The following KHDRBS2 variants were observed in gnomAD, a reference collection of about 807,000 sequenced individuals.
The protein encoded by KHDRBS2 is KH domain-containing, RNA-binding, signal transduction-associated protein 2.
KHDRBS2 carries 26 observed loss-of-function variants against 44.3 expected under a neutral mutation model. The observed-to-expected ratio is 0.59, with a 90% CI of 0.43 to 0.81. The LOEUF (loss-of-function observed/expected upper bound fraction) is 0.81. KHDRBS2 is among the 40% of genes least tolerant of loss of function. The pLI is 0.00. For synonymous variants in KHDRBS2, 194 were observed against 151.1 expected (o/e 1.28, Z -2.08); for missense variants, 476 against 433.1 (o/e 1.10, Z -0.88).
chr6:61,724,849 T>C (rs1004576645), intron 7 of KHDRBS2, among the ~76,000 whole-genome samples: 12 of 152,080 alleles, frequency 7.9e-5, no homozygotes, highest in Middle Eastern at 3.2e-3. Flanking sequence ...AGGACTCCCA[T>C]ACAATAGTAG....
At chr6:61,608,266 A>C in the KHDRBS2 span, among the ~76,000 whole-genome samples, 1 of 151,728 alleles carries the variant, frequency 6.6e-6, no homozygotes, top group African/African-American at 2.4e-5. Flanking sequence ...ATATATACTC[A>C]CATACACACA....
chr6:62,227,294 G>C (rs1832048127), intron 1 of KHDRBS2, among the ~76,000 whole-genome samples: 1 of 152,054 alleles, frequency 6.6e-6, no homozygotes, highest in Admixed American at 6.6e-5. Context: ...ATTGTGAATG[G>C]GAGTTGATTC....
the KHDRBS2 span, among the ~76,000 whole-genome samples, chr6:61,673,416 C>A: frequency 4.0e-5 from 6 of 151,660 alleles, no homozygotes; most frequent in Non-Finnish European, 7.4e-5. Context: ...GTTGGAAGTT[C>A]TGGCCAGGGC....
Position 62,285,868 on chromosome 6 carries a change from A to C in KHDRBS2, c.81T>G (p.Leu27=). The change falls in exon 1 of 9, where the codon CTT becomes CTG. Residue 27 remains leucine (L), a synonymous_variant. Coordinates refer to ENST00000281156, the MANE Select transcript of KHDRBS2 (RefSeq NM_152688.4). ...LDPSFVHASR[L]LAEEIEKFQG... Reference sequence around the variant, plus strand: ...GGGGGCAAGTCCTACCTTCTGCCAAAAGGCGCGACGCATGCACAAAAGATG... The same window carrying C: ...GGGGGCAAGTCCTACCTTCTGCCAACAGGCGCGACGCATGCACAAAAGATG... 6.2e-7 allele frequency: 1 copy of C among 1,612,474 alleles called. No individual in the cohort carries two copies. The highest frequency in any genetic ancestry group is 8.5e-7 in the Non-Finnish European group (1 of 1,179,248).
chr6:61,596,486 C>A, the KHDRBS2 span, among the ~76,000 whole-genome samples: 1 of 152,124 alleles, frequency 6.6e-6, no homozygotes, highest in Non-Finnish European at 1.5e-5. Flanking sequence ...GCTACTCAGA[C>A]AGAAGCCGAT....
chr6:61,999,069 C>T (rs1777745133), intron 3 of KHDRBS2, among the ~76,000 whole-genome samples: 1 of 151,958 alleles, frequency 6.6e-6, no homozygotes, highest in Non-Finnish European at 1.5e-5. Flanking sequence ...GACTAAAATT[C>T]TTTCTTGCAT....
At chr6:61,998,486 A>G (rs1777635301) in intron 3 of KHDRBS2, among the ~76,000 whole-genome samples, 1 of 152,130 alleles carries the variant, frequency 6.6e-6, no homozygotes, top group Non-Finnish European at 1.5e-5. Context: ...CTTATGAACA[A>G]AATGAAATGG....
intron 5 of KHDRBS2, among the ~76,000 whole-genome samples, chr6:61,897,843 C>A (rs1235033284): frequency 6.6e-6 from 1 of 152,080 alleles, no homozygotes; most frequent in Non-Finnish European, 1.5e-5. Context: ...TCTATGTATT[C>A]GTTCTCAACG....
intron 1 of KHDRBS2, among the ~76,000 whole-genome samples, chr6:62,246,355 C>A (rs1044063865): frequency 7.3e-5 from 11 of 151,684 alleles, no homozygotes; most frequent in African/African-American, 2.7e-4. Context: ...TTTTCTCTGC[C>A]AACATATATC....
chr6:61,609,252 A>G, the KHDRBS2 span, among the ~76,000 whole-genome samples: 1 of 152,154 alleles, frequency 6.6e-6, no homozygotes. Context: ...TCAGCTACTC[A>G]GGAGGCTGAG....
At chr6:62,193,033 C>G (rs1257085215) in intron 1 of KHDRBS2, among the ~76,000 whole-genome samples, 1 of 152,032 alleles carries the variant, frequency 6.6e-6, no homozygotes, top group African/African-American at 2.4e-5. Context: ...GGCCATCTCC[C>G]TTAGCATCAA....
At chr6:62,036,920 G>C (rs1202236294) in intron 3 of KHDRBS2, among the ~76,000 whole-genome samples, 1 of 151,822 alleles carries the variant, frequency 6.6e-6, no homozygotes, top group Non-Finnish European at 1.5e-5. Context: ...AAAGTACATA[G>C]GTTATTCCTC....
chr6:62,235,006 C>T lies in KHDRBS2; in HGVS notation c.91+50852G>A, dbSNP rs1585335717. On this transcript the variant is annotated intron_variant, in intron 1 of 8. Coordinates refer to ENST00000281156, the MANE Select transcript of KHDRBS2 (RefSeq NM_152688.4). The stretch of plus-strand genomic sequence containing the variant: ...CATGATAAAAAATGAATAAAAATTC[C>T]CAAAACTTATTCTATTAAATGATAG... Among the ~76,000 whole-genome samples the T allele has an allele frequency of 2.0e-5, 3 of 150,422 alleles. No individual in the cohort carries two copies. In the East Asian group the frequency reaches 5.9e-4, roughly 29 times the overall value.
chr6:62,026,545 A>C (rs1783366093), intron 3 of KHDRBS2, among the ~76,000 whole-genome samples: 2 of 150,994 alleles, frequency 1.3e-5, no homozygotes, highest in African/African-American at 4.9e-5. Context: ...CAGTCCTCCT[A>C]CCTCAGCCTC....
chr6:62,276,903 C>A (rs74614722), intron 1 of KHDRBS2, among the ~76,000 whole-genome samples: 3 of 152,148 alleles, frequency 2.0e-5, no homozygotes, highest in African/African-American at 7.2e-5. Flanking sequence ...AATTTCTTTG[C>A]TGTGAGACCT....
At chr6:62,078,872 A>G (rs2127352716) in intron 2 of KHDRBS2, among the ~76,000 whole-genome samples, 1 of 152,138 alleles carries the variant, frequency 6.6e-6, no homozygotes, top group Middle Eastern at 3.4e-3. Flanking sequence ...ACTAAAAGGG[A>G]ACATTTTTTG....
At chr6:61,547,104 C>A in the KHDRBS2 span, among the ~76,000 whole-genome samples, 1 of 150,940 alleles carries the variant, frequency 6.6e-6, no homozygotes, top group Non-Finnish European at 1.5e-5. Flanking sequence ...GGGAGGAAAC[C>A]AGAGTACCCA....
intron 7 of KHDRBS2, among the ~76,000 whole-genome samples, chr6:61,705,566 C>T (rs2127547872): frequency 6.6e-6 from 1 of 151,906 alleles, no homozygotes; most frequent in South Asian, 2.1e-4. Context: ...TCATCCAGTC[C>T]ATAATATGCA....
intron 2 of KHDRBS2, among the ~76,000 whole-genome samples, chr6:62,064,294 T>C (rs1424518914): frequency 6.7e-6 from 1 of 149,950 alleles, no homozygotes; most frequent in African/African-American, 2.5e-5. Flanking sequence ...AAAGTTCATA[T>C]GGAACAAAAA....
Sources: gnomAD v4.1 joint callset for allele counts (sites outside exome capture counted in the v4.1 genomes callset) on GRCh38, gnomAD v4.1.1 for gene constraint, MANE v1.5 for transcripts, NCBI Gene and HGNC (gene_info 2026-07-23, HGNC 2026-07-21) for gene names.